PCDH9: variants seen among roughly 807,000 people sequenced by gnomAD.
The protein encoded by PCDH9 is protocadherin 9, also known as protocadherin-9.
Under a neutral mutation model 70.6 loss-of-function variants are expected in PCDH9, and 24 were observed. That is an observed-to-expected ratio of 0.34 (90% CI 0.25 to 0.48). The LOEUF is 0.48. Ranked by LOEUF, PCDH9 falls within the 20% of genes least tolerant of loss-of-function variation. The pLI is 0.99. For synonymous variants in PCDH9, 562 were observed against 558.5 expected (o/e 1.01, Z -0.09); for missense variants, 1,281 against 1,503.6 (o/e 0.85, Z 2.45).
intron 2 of PCDH9, among the ~76,000 whole-genome samples, chr13:67,188,571 CT>C (rs982909100): frequency 2.6e-5 from 4 of 151,784 alleles, no homozygotes; most frequent in African/African-American, 9.7e-5. Context: ...TGTACATGTC[CT>C]TTTAATGAAA....
chr13:66,832,222 A>C (rs1254908889), intron 3 of PCDH9, among the ~76,000 whole-genome samples: 1 of 152,166 alleles, frequency 6.6e-6, no homozygotes, highest in East Asian at 1.9e-4. Context: ...TTTTCAACAG[A>C]ACTGGAATTT....
rs556629657 is a variant in PCDH9 at position 66,938,293 on chromosome 13, A to G, written c.3037-34688T>C. 2.5e-3 allele frequency among the ~76,000 whole-genome samples: 374 copies of G among 152,350 alleles called. 3 individuals carry two copies. The highest frequency in any genetic ancestry group is 8.7e-3 in the African/African-American group (362 of 41,586). ...TTATAGTTACATAGTTGAATTTAAT[A>G]GAATAATTTCCTTAACATGATATAC... On this transcript the variant is annotated intron_variant, in intron 2 of 4. Coordinates refer to ENST00000377865, the MANE Select transcript of PCDH9 (RefSeq NM_203487.3).
intron 3 of PCDH9, among the ~76,000 whole-genome samples, chr13:66,822,883 A>C (rs2080739948): frequency 6.6e-6 from 1 of 152,086 alleles, no homozygotes; most frequent in African/African-American, 2.4e-5. Context: ...AAATAAAAAC[A>C]ATTGAATTTT....
At chr13:66,980,741 T>G (rs1277135683) in intron 2 of PCDH9, among the ~76,000 whole-genome samples, 14 of 132,520 alleles carry the variant, frequency 1.1e-4, no homozygotes, top group Non-Finnish European at 1.9e-4. Context: ...TTTTTTTTTT[T>G]GTTTTTTTTT....
intron 2 of PCDH9, among the ~76,000 whole-genome samples, chr13:67,117,795 G>T (rs1457193763): frequency 7.2e-5 from 11 of 151,960 alleles, no homozygotes; most frequent in Non-Finnish European, 1.2e-4. Flanking sequence ...AATTAAAAAG[G>T]TTTTTGAGTT....
At chr13:66,476,357 T>C (rs1958728640) in intron 4 of PCDH9, among the ~76,000 whole-genome samples, 1 of 152,096 alleles carries the variant, frequency 6.6e-6, no homozygotes, top group South Asian at 2.1e-4. Context: ...ACACAAATTG[T>C]TAGACTTTAT....
At chr13:66,392,777 T>G (rs140090190) in intron 4 of PCDH9, among the ~76,000 whole-genome samples, 81 of 152,290 alleles carry the variant, frequency 5.3e-4, no homozygotes, top group African/African-American at 1.7e-3. Context: ...ATCTTTATAT[T>G]TCTGAATTGC....
chr13:66,937,057 T>C (rs2082927083), intron 2 of PCDH9, among the ~76,000 whole-genome samples: 1 of 152,196 alleles, frequency 6.6e-6, no homozygotes, highest in Admixed American at 6.5e-5. Context: ...ATGATCATCG[T>C]TATGGTTCTC....
intron 4 of PCDH9, among the ~76,000 whole-genome samples, chr13:66,389,247 A>G (rs138382814): frequency 0.011 from 1,660 of 152,262 alleles, 16 homozygotes; most frequent in Middle Eastern, 0.034. Context: ...CTATTCTCCA[A>G]TATTCACTTT....
intron 2 of PCDH9, chr13:67,211,008 A>G (rs577329596): frequency 1.3e-4 from 20 of 151,974 alleles, no homozygotes; most frequent in Non-Finnish European, 2.4e-4. Flanking sequence ...ACCAACCTTT[A>G]TTTAAATGTC....
chr13:66,358,287 G>T (rs527382043), intron 4 of PCDH9, among the ~76,000 whole-genome samples: 2 of 151,716 alleles, frequency 1.3e-5, no homozygotes, highest in Non-Finnish European at 1.5e-5. Context: ...TAGTACCTTT[G>T]GTAGGATTAT....
intron 4 of PCDH9, among the ~76,000 whole-genome samples, chr13:66,537,478 C>T (rs1281748992): frequency 6.6e-6 from 1 of 151,834 alleles, no homozygotes; most frequent in Admixed American, 6.6e-5. Context: ...AAACAGAAAA[C>T]CTCCACAAAA....
intron 2 of PCDH9, among the ~76,000 whole-genome samples, chr13:67,026,610 G>C (rs1180425032): frequency 1.3e-5 from 2 of 152,200 alleles, no homozygotes; most frequent in African/African-American, 2.4e-5. Context: ...ATTAGGAAAA[G>C]AGGAAGTCAA....
chr13:66,590,994 TACA>T (rs573061106), intron 4 of PCDH9, among the ~76,000 whole-genome samples: 4 of 151,898 alleles, frequency 2.6e-5, no homozygotes, highest in East Asian at 3.9e-4. Context: ...AATATAGAAT[TACA>T]ACAAGACTCT....
chr13:66,900,059 C>T lies in PCDH9; in HGVS notation c.3138+3445G>A, dbSNP rs1311510053. On this transcript the variant is annotated intron_variant, in intron 3 of 4. Coordinates refer to ENST00000377865, the MANE Select transcript of PCDH9 (RefSeq NM_203487.3). ...AGCTACTCAATCGCTGTTATCTTCA[C>T]GTTATGTTTCAGTAATATGCATAGG... Among the ~76,000 whole-genome samples, 5 of 152,012 alleles carry T rather than the reference C, an allele frequency of 3.3e-5. No individual in the cohort carries two copies. In the East Asian group the frequency reaches 7.7e-4, roughly 23 times the overall value.
intron 3 of PCDH9, among the ~76,000 whole-genome samples, chr13:66,692,823 A>T (rs566021830): frequency 6.6e-6 from 1 of 152,120 alleles, no homozygotes; most frequent in South Asian, 2.1e-4. Context: ...GAATGGAATT[A>T]TATACGAATC....
At chr13:67,195,278 G>GGGACTAC (rs2089031050) in intron 2 of PCDH9, among the ~76,000 whole-genome samples, 1 of 151,862 alleles carries the variant, frequency 6.6e-6, no homozygotes, top group Non-Finnish European at 1.5e-5. Context: ...CCGAGCAGCT[G>GGGACTAC]GGACTACAGG....
At chr13:66,468,191 C>T (rs1381224934) in intron 4 of PCDH9, among the ~76,000 whole-genome samples, 1 of 152,046 alleles carries the variant, frequency 6.6e-6, no homozygotes, top group Non-Finnish European at 1.5e-5. Flanking sequence ...AATACCACCA[C>T]CATGGTATTT....
intron 4 of PCDH9, among the ~76,000 whole-genome samples, chr13:66,563,365 C>T (rs529328172): frequency 9.9e-5 from 15 of 152,208 alleles, no homozygotes; most frequent in African/African-American, 3.4e-4. Context: ...AAAATAGATC[C>T]GTAAATTCAC....
Sources: gnomAD v4.1 joint callset for allele counts (sites outside exome capture counted in the v4.1 genomes callset) on GRCh38, gnomAD v4.1.1 for gene constraint, MANE v1.5 for transcripts, NCBI Gene and HGNC (gene_info 2026-07-23, HGNC 2026-07-21) for gene names.